The following HOOK1 variants were observed in gnomAD, a reference collection of about 807,000 sequenced individuals.
HOOK1 encodes protein Hook homolog 1.
HOOK1 carries 60 observed loss-of-function variants against 112.8 expected under a neutral mutation model. The observed-to-expected ratio is 0.53, with a 90% CI of 0.43 to 0.66. The LOEUF (loss-of-function observed/expected upper bound fraction) is 0.66. HOOK1 is among the 30% of genes least tolerant of loss of function. The probability of loss-of-function intolerance (pLI) is 0.00; values close to 1 mark genes in which losing one functional copy is unlikely to be tolerated. For synonymous variants in HOOK1, 294 were observed against 283.8 expected (o/e 1.04, Z -0.36); for missense variants, 770 against 856.0 (o/e 0.90, Z 1.25).
In HOOK1 at chr1:59,843,414, T is replaced by G. The variant is rs774569850; in HGVS notation, c.622-18T>G. On this transcript the variant is annotated intron_variant, in intron 8 of 21. Transcript: ENST00000371208. Reference sequence around the variant, plus strand: ...TTTTTTTTCTACTGGTGCTTATGTATGTGTATTTGTTTCTTAGGTGACTAC... The same window carrying G: ...TTTTTTTTCTACTGGTGCTTATGTAGGTGTATTTGTTTCTTAGGTGACTAC... 5.7e-6 allele frequency: 9 copies of G among 1,567,094 alleles called. No individual in the cohort carries two copies. Among genetic ancestry groups the G allele is most frequent in the South Asian group, 2.3e-5 (2 of 86,254 alleles).
At chr1:59,818,101 A>C (rs752445728) in intron 1 of HOOK1, among the ~76,000 whole-genome samples, 6 of 152,224 alleles carry the variant, frequency 3.9e-5, no homozygotes, top group Non-Finnish European at 7.3e-5. Context: ...CAGCAAGTAG[A>C]AATCAGTGGA....
chr1:59,824,960 T>C (rs145982644), intron 2 of HOOK1, among the ~76,000 whole-genome samples: 5 of 152,176 alleles, frequency 3.3e-5, no homozygotes, highest in African/African-American at 1.2e-4. Context: ...GGCTAGAAGT[T>C]CTAAATCAAG....
Position 59,873,166 on chromosome 1 carries a change from GA to G in HOOK1, c.*202del. Reference sequence around the variant, plus strand: ...TATAGAATTAGCCATCTCTCTGAGGGAGCACATTTGAATAATTGGAGATGCA... The same window carrying G: ...TATAGAATTAGCCATCTCTCTGAGGGGCACATTTGAATAATTGGAGATGCA... On this transcript the variant is annotated 3_prime_UTR_variant, in exon 22 of 22. Transcript: ENST00000371208. 2.6e-6 allele frequency: 1 copy of G among 389,326 alleles called. No homozygotes were observed. Among genetic ancestry groups the G allele is most frequent in the Non-Finnish European group, 4.5e-6 (1 of 221,944 alleles). 24.1% of individuals were successfully genotyped at this position (389,326 alleles called of 1,614,324 possible). A position where few individuals can be genotyped will look rare whatever the true frequency, so the allele number is the denominator to read the frequency against.
chr1:59,823,001 C>T (rs1170096464), intron 2 of HOOK1, among the ~76,000 whole-genome samples: 1 of 152,158 alleles, frequency 6.6e-6, no homozygotes, highest in African/African-American at 2.4e-5. Flanking sequence ...ATACCTTACT[C>T]CCATTCTGTC....
intron 4 of HOOK1, among the ~76,000 whole-genome samples, chr1:59,832,441 T>C (rs1243159170): frequency 6.6e-6 from 1 of 152,150 alleles, no homozygotes; most frequent in Non-Finnish European, 1.5e-5. Context: ...GAATTGATTT[T>C]CAAGTAGAAT....
Position 59,859,059 on chromosome 1 carries a change from A to G in HOOK1, c.1391+14A>G. On this transcript the variant is annotated intron_variant, in intron 14 of 21. Transcript: ENST00000371208. ...AGTGGAATATAGGTAAATTTGTTTC[A>G]TAATTTGATAGAATTATATTTAATA... The G allele has an allele frequency of 2.2e-6, 3 of 1,344,042 alleles. No homozygotes were observed. Among genetic ancestry groups the G allele is most frequent in the Non-Finnish European group, 3.0e-6 (3 of 987,118 alleles). 83.3% of individuals were successfully genotyped at this position (1,344,042 alleles called of 1,614,324 possible). A position where few individuals can be genotyped will look rare whatever the true frequency, so the allele number is the denominator to read the frequency against.
chr1:59,849,335 C>T, intron 12 of HOOK1, 152 bp downstream of exon 12: 1 of 498,828 alleles, frequency 2.0e-6, no homozygotes, highest in Non-Finnish European at 3.6e-6. Flanking sequence ...AAATGACTTA[C>T]ATCTTCTTTC....
At position 59,840,341 on chromosome 1, in the gene HOOK1, C is replaced by A; in HGVS notation, c.571C>A (p.Leu191Ile). 1 of 1,597,582 alleles carries A rather than the reference C, an allele frequency of 6.3e-7. No homozygotes were observed. Among genetic ancestry groups the A allele is most frequent in the South Asian group, 1.1e-5 (1 of 87,544 alleles). Residue 191 changes from leucine (L) to isoleucine (I), a missense_variant, in exon 8 of 22, where the codon CTA (leucine) becomes ATA (isoleucine). By Grantham distance (5) the Leu-to-Ile change is conservative. Transcript: ENST00000371208. Reference protein sequence around the residue: ...KRALEELQEALAEKEELRQRC... With the variant: ...KRALEELQEAIAEKEELRQRC... ...AGCCTTGGAAGAACTTCAGGAAGCA[C>A]TAGCAGAAAAAGAAGAGCTGAGGCA...
At chr1:59,871,157 A>C (rs755167121) in intron 21 of HOOK1, 47 bp downstream of exon 21, 1 of 1,372,706 alleles carries the variant, frequency 7.3e-7, no homozygotes, top group South Asian at 1.2e-5. Flanking sequence ...GTGTTTAAGC[A>C]AACTTTTTTT....
In HOOK1 at chr1:59,814,981, C is replaced by T; in HGVS notation, c.-137C>T. On this transcript the variant is annotated 5_prime_UTR_variant, in exon 1 of 22. Transcript: ENST00000371208. Reference sequence around the variant, plus strand: ...CGGACGCGTCGACAGCGCGAGGGTTCGCGCGTGAGCTGCGCGGGTCGGGCC... The same window carrying T: ...CGGACGCGTCGACAGCGCGAGGGTTTGCGCGTGAGCTGCGCGGGTCGGGCC... 1 of 830,312 alleles carries T rather than the reference C, an allele frequency of 1.2e-6. No homozygotes were observed. Among genetic ancestry groups the T allele is most frequent in the Non-Finnish European group, 1.9e-6 (1 of 536,308 alleles). The allele number at this position is 830,312 out of a possible 1,614,324, so 51.4% of individuals were successfully genotyped here.
At chr1:59,851,207 C>G (rs995761979) in intron 12 of HOOK1, among the ~76,000 whole-genome samples, 2 of 150,400 alleles carry the variant, frequency 1.3e-5, no homozygotes, top group Admixed American at 6.6e-5. Flanking sequence ...TCAATTCTTG[C>G]AAAAAAAAGG....
In HOOK1 at chr1:59,848,486, A is replaced by G. The variant is rs761713870; in HGVS notation, c.1101A>G (p.Ala367=). 6.2e-7 allele frequency: 1 copy of G among 1,609,876 alleles called. No individual in the cohort carries two copies. Among genetic ancestry groups the G allele is most frequent in the South Asian group, 1.1e-5 (1 of 90,824 alleles). ...AAGAATTAAAAAAAGCAAATGCAGC[A>G]CGTACACAATTAGAAACATACAAAA... ...LEEELKKANA[A]RTQLETYKRQ... The change falls in exon 11 of 22, where the codon GCA becomes GCG. Residue 367 remains alanine (A), a synonymous_variant. Transcript: ENST00000371208.
At chr1:59,868,543 T>C (rs1242281278) in intron 20 of HOOK1, among the ~76,000 whole-genome samples, 192 bp downstream of exon 20, 2 of 152,266 alleles carry the variant, frequency 1.3e-5, no homozygotes, top group Non-Finnish European at 2.9e-5. Flanking sequence ...TCATATACCC[T>C]GTTTATATGC....
rs2098395461 is a variant in HOOK1 at position 59,833,468 on chromosome 1, G to A, written c.337G>A (p.Asp113Asn). 6.3e-7 allele frequency: 1 copy of A among 1,593,566 alleles called. No individual in the cohort carries two copies. The highest frequency in any genetic ancestry group is 1.7e-5 in the Admixed American group (1 of 59,104). ...TTTAAACCAAATAACCGAATGTTCA[G>A]ATCCAGTGGAGCTTGGGAGGTTGCT... is the stretch of plus-strand genomic sequence containing the variant. ...PDLNQITECSDPVELGRLLQL... is the reference protein window; with the variant it reads ...PDLNQITECSNPVELGRLLQL... Residue 113 changes from aspartate to asparagine, a missense_variant, in exon 5 of 22, where the codon GAT becomes AAT. Physicochemically the swap from Asp to Asn is conservative, Grantham distance 23 (BLOSUM62 1). Around this residue, in one of 3 missense-constraint regions of HOOK1, gnomAD observed 655 missense variants for 725.9 expected, o/e 0.90. Transcript: ENST00000371208.
chr1:59,849,946 A>G (rs918020497), intron 12 of HOOK1, among the ~76,000 whole-genome samples: 3 of 151,480 alleles, frequency 2.0e-5, no homozygotes, highest in African/African-American at 7.3e-5. Context: ...TTTTATTTAG[A>G]TATGTTTTCA....
At chr1:59,848,889 T>G (rs967159813) in intron 11 of HOOK1, among the ~76,000 whole-genome samples, 184 bp from the exon 12 acceptor site, 5 of 151,630 alleles carry the variant, frequency 3.3e-5, no homozygotes, top group South Asian at 2.1e-4. Context: ...TATTTGAATA[T>G]TTTTAGTTTT....
intron 12 of HOOK1, among the ~76,000 whole-genome samples, chr1:59,853,353 C>CT (rs1345303105): frequency 6.6e-6 from 1 of 151,632 alleles, no homozygotes; most frequent in African/African-American, 2.4e-5. Flanking sequence ...TAATGTCTGT[C>CT]TTTTTTCTGG....
At chr1:59,833,148 A>G (rs567440120) in intron 4 of HOOK1, among the ~76,000 whole-genome samples, 20 of 152,266 alleles carry the variant, frequency 1.3e-4, no homozygotes, top group South Asian at 6.2e-4. Context: ...CTTAAGTTAA[A>G]TTCTTCTCTC....
At chr1:59,830,247 T>G (rs992221185) in intron 3 of HOOK1, among the ~76,000 whole-genome samples, 6 of 152,114 alleles carry the variant, frequency 3.9e-5, no homozygotes, top group Non-Finnish European at 7.4e-5. Flanking sequence ...ATATTTTTTC[T>G]TATTATACTA....
Sources: allele counts gnomAD v4.1 joint callset (sites outside exome capture counted in the v4.1 genomes callset), GRCh38; gene constraint gnomAD v4.1.1; regional missense constraint gnomAD v4.1.1; transcripts MANE v1.5; gene names NCBI Gene and HGNC (gene_info 2026-07-23, HGNC 2026-07-21).